TTLL13: variants seen among roughly 807,000 people sequenced by gnomAD.
TTLL13 encodes the protein tubulin tyrosine ligase like 13.
chr15:90,257,882 C>T, the TTLL13 span: 1 of 936,892 alleles, frequency 1.1e-6, no homozygotes. Context: ...TAAGTGCAGC[C>T]CCAAACCTCA....
At chr15:90,257,973 C>A in the TTLL13 span, 1 of 1,489,328 alleles carries the variant, frequency 6.7e-7, no homozygotes. Flanking sequence ...GTGAGGGAGC[C>A]TCCTGCCTAC....
the TTLL13 span, chr15:90,265,395 A>G: frequency 8.0e-7 from 1 of 1,252,618 alleles, no homozygotes; most frequent in Non-Finnish European, 1.0e-6. Flanking sequence ...TGGCGGAGAC[A>G]GGCAGGCCTG....
At chr15:90,257,519 GGA>G in the TTLL13 span, 5 of 1,057,868 alleles carry the variant, frequency 4.7e-6, no homozygotes, top group Middle Eastern at 7.7e-4. Flanking sequence ...GTCCTCTGGT[GGA>G]GAGAGACAGG....
the TTLL13 span, chr15:90,256,414 G>A: frequency 1.4e-4 from 181 of 1,294,680 alleles, no homozygotes; most frequent in East Asian, 8.1e-4. Context: ...CACTAGCCCC[G>A]TTTTCCTGGA....
At chr15:90,265,278 G>C in the TTLL13 span, 1 of 1,239,162 alleles carries the variant, frequency 8.1e-7, no homozygotes, top group East Asian at 4.4e-5. Flanking sequence ...CCCGGGGCTG[G>C]AGGCCATCCA....
the TTLL13 span, chr15:90,263,220 A>C: frequency 2.3e-6 from 3 of 1,327,036 alleles, no homozygotes; most frequent in Non-Finnish European, 3.0e-6. Context: ...GTTGGTCTCA[A>C]CAAAGGAGGC....
At chr15:90,262,937 C>G in the TTLL13 span, 5 of 1,528,896 alleles carry the variant, frequency 3.3e-6, no homozygotes, top group Non-Finnish European at 4.4e-6. Context: ...CCTTGGAGAT[C>G]CTGCATTTAT....
At chr15:90,257,079 A>G in the TTLL13 span, 3 of 1,512,924 alleles carry the variant, frequency 2.0e-6, no homozygotes, top group East Asian at 6.9e-5. Flanking sequence ...CACTTAGAAC[A>G]GCACATAGTA....
At chr15:90,262,884 G>A in the TTLL13 span, 1 of 1,403,024 alleles carries the variant, frequency 7.1e-7, no homozygotes, top group Non-Finnish European at 9.5e-7. Context: ...GGTAGAGTGG[G>A]CAGGAGGCCT....
chr15:90,253,812 C>T, the TTLL13 span, among the ~76,000 whole-genome samples: 1 of 152,176 alleles, frequency 6.6e-6, no homozygotes, highest in Admixed American at 6.5e-5. Flanking sequence ...CCACCGGGGT[C>T]CACAAGAATA....
chr15:90,257,900 A>T, the TTLL13 span: 1 of 946,104 alleles, frequency 1.1e-6, no homozygotes, highest in Non-Finnish European at 1.6e-6. Flanking sequence ...TCACCCTGAT[A>T]ACTAGTCCCT....
chr15:90,253,292 G>A, the TTLL13 span: 17 of 1,613,762 alleles, frequency 1.1e-5, no homozygotes, highest in Admixed American at 1.7e-5. Context: ...AGGTGGGGGA[G>A]GATGAAGAGT....
the TTLL13 span, chr15:90,256,138 T>C: frequency 1.2e-6 from 2 of 1,613,966 alleles, no homozygotes; most frequent in Non-Finnish European, 1.7e-6. Flanking sequence ...TCTCTGCACA[T>C]AGCTATGGGG....
chr15:90,262,090 C>G, the TTLL13 span: 2 of 1,536,092 alleles, frequency 1.3e-6, no homozygotes, highest in Non-Finnish European at 1.7e-6. Flanking sequence ...ACCGGCGGAT[C>G]TACCCTGGGC....
chr15:90,264,857 C>T, the TTLL13 span: 3 of 1,535,940 alleles, frequency 2.0e-6, no homozygotes, highest in African/African-American at 1.4e-5. Context: ...ATGCACCTTG[C>T]CCTCCATGGT....
chr15:90,257,768 C>G, the TTLL13 span: 1 of 1,583,930 alleles, frequency 6.3e-7, no homozygotes, highest in Non-Finnish European at 8.7e-7. Context: ...CCCTTAGCCC[C>G]ACAGTCCCAG....
the TTLL13 span, chr15:90,250,571 G>A: frequency 6.4e-7 from 1 of 1,552,010 alleles, no homozygotes; most frequent in East Asian, 2.3e-5. Flanking sequence ...GGGCCTGAGG[G>A]AGGTCTGAGG....
the TTLL13 span, among the ~76,000 whole-genome samples, chr15:90,260,986 C>T: frequency 6.6e-6 from 1 of 152,020 alleles, no homozygotes; most frequent in Non-Finnish European, 1.5e-5. Flanking sequence ...TCATAATCAA[C>T]ATGCTAATTG....
the TTLL13 span, among the ~76,000 whole-genome samples, chr15:90,255,253 T>A: frequency 6.6e-6 from 1 of 152,208 alleles, no homozygotes; most frequent in Admixed American, 6.5e-5. Flanking sequence ...CTGCCACCCA[T>A]CCAGCAGGAC....
Sources: allele counts gnomAD v4.1 joint callset (sites outside exome capture counted in the v4.1 genomes callset), GRCh38; gene constraint gnomAD v4.1.1; transcripts MANE v1.5; gene names NCBI Gene and HGNC (gene_info 2026-07-23, HGNC 2026-07-21).